Variants in TPRG1 observed in about 807,000 individuals in gnomAD.
TPRG1 encodes tumor protein p63 regulated 1, also known as tumor protein p63-regulated gene 1 protein.
TPRG1 carries 29 observed loss-of-function variants against 29.3 expected under a neutral mutation model. That is an observed-to-expected ratio of 0.99 (90% CI 0.74 to 1.35). TPRG1 has a LOEUF of 1.35. Among genes scored for constraint, TPRG1 ranks in the 40% most tolerant of loss-of-function variants. The probability of loss-of-function intolerance (pLI) is 0.00; values close to 1 mark genes in which losing one functional copy is unlikely to be tolerated. For synonymous variants in TPRG1, 130 were observed against 116.8 expected (o/e 1.11, Z -0.73); for missense variants, 327 against 335.0 (o/e 0.98, Z 0.19).
intron 3 of TPRG1, among the ~76,000 whole-genome samples, chr3:189,015,802 G>T (rs1021017103): frequency 5.3e-5 from 8 of 152,312 alleles, no homozygotes; most frequent in African/African-American, 1.9e-4. Context: ...GAAGGTAAGA[G>T]TTGAGGTTTG....
intron 2 of TPRG1, among the ~76,000 whole-genome samples, chr3:189,210,789 C>A (rs578261599): frequency 6.6e-6 from 1 of 152,244 alleles, no homozygotes; most frequent in East Asian, 1.9e-4. Context: ...TAGCAAGTGG[C>A]AAAGCTAGGG....
intron 3 of TPRG1, among the ~76,000 whole-genome samples, chr3:189,008,523 C>A (rs1437333109): frequency 6.6e-6 from 1 of 152,058 alleles, no homozygotes; most frequent in Non-Finnish European, 1.5e-5. Flanking sequence ...TAGTTCACAG[C>A]CCAAGAATTA....
chr3:189,029,671 A>C lies in TPRG1; in HGVS notation c.-463+5725A>C, dbSNP rs189528868. Among the ~76,000 whole-genome samples, 410 of 152,266 alleles carry C rather than the reference A, an allele frequency of 2.7e-3. 2 individuals carry two copies. Among genetic ancestry groups the C allele is most frequent in the South Asian group, 8.5e-3 (41 of 4,824 alleles). ...GTTTGTCCACCCAAACCTCATGTTG[A>C]AATGTAATCTCCAATGTTGGAGGTG... On this transcript the variant is annotated intron_variant, in intron 4 of 10. Transcript: ENST00000433971.
intron 4 of TPRG1, among the ~76,000 whole-genome samples, chr3:189,093,741 GA>G (rs889761762): frequency 6.6e-5 from 10 of 152,124 alleles, no homozygotes; most frequent in African/African-American, 2.4e-4. Flanking sequence ...CGGGTTCTGG[GA>G]AATTTGAAGC....
upstream of TPRG1, among the ~76,000 whole-genome samples, chr3:189,098,490 G>A (rs1340136965): frequency 2.0e-5 from 3 of 152,118 alleles, no homozygotes; most frequent in Non-Finnish European, 2.9e-5. Context: ...GGGGAAGAGA[G>A]GGTACTGGGG....
intron 3 of TPRG1, among the ~76,000 whole-genome samples, chr3:189,235,719 G>A (rs941726878): frequency 2.0e-5 from 3 of 152,112 alleles, no homozygotes; most frequent in Non-Finnish European, 1.5e-5. Context: ...ACTTTTGAAA[G>A]GTTGGTAGTA....
chr3:189,210,171 C>T (rs1735044158), intron 2 of TPRG1, among the ~76,000 whole-genome samples: 1 of 152,000 alleles, frequency 6.6e-6, no homozygotes, highest in South Asian at 2.1e-4. Flanking sequence ...TATATTTCCT[C>T]ATCTACAAAG....
chr3:189,036,353 C>T (rs1343307507), intron 4 of TPRG1, among the ~76,000 whole-genome samples: 2 of 151,978 alleles, frequency 1.3e-5, no homozygotes, highest in Non-Finnish European at 2.9e-5. Flanking sequence ...GTGACAGGAT[C>T]ATTTGTACAC....
intron 4 of TPRG1, among the ~76,000 whole-genome samples, chr3:189,057,199 TG>T (rs1715755508): frequency 6.6e-6 from 1 of 152,286 alleles, no homozygotes; most frequent in African/African-American, 2.4e-5. Flanking sequence ...TCATACACAG[TG>T]GCATTTGAGG....
At chr3:189,197,080 C>G (rs1392200065) in intron 1 of TPRG1, among the ~76,000 whole-genome samples, 2 of 152,202 alleles carry the variant, frequency 1.3e-5, no homozygotes, top group African/African-American at 4.8e-5. Context: ...AGGCATTAAT[C>G]TACACACTCG....
intron 1 of TPRG1, among the ~76,000 whole-genome samples, chr3:189,198,666 A>G (rs1309353377): frequency 6.6e-6 from 1 of 152,226 alleles, no homozygotes; most frequent in East Asian, 1.9e-4. Flanking sequence ...GCGGCTCTAT[A>G]TCATGCCCAT....
chr3:189,152,669 G>GCTACCC (rs1726107367), intron 5 of TPRG1, among the ~76,000 whole-genome samples: 1 of 150,990 alleles, frequency 6.6e-6, no homozygotes, highest in African/African-American at 2.4e-5. Flanking sequence ...AAGTAGGATT[G>GCTACCC]GTACCCGCCA....
chr3:189,205,982 T>A (rs1233389314), intron 1 of TPRG1, among the ~76,000 whole-genome samples: 2 of 143,294 alleles, frequency 1.4e-5, no homozygotes, highest in South Asian at 2.3e-4. Context: ...ATACCATACA[T>A]GTGTGCCTGT....
chr3:189,011,179 T>A (rs554718520), intron 3 of TPRG1, among the ~76,000 whole-genome samples: 33 of 152,312 alleles, frequency 2.2e-4, no homozygotes, highest in Admixed American at 1.8e-3. Context: ...TGTAGTATAG[T>A]TTGAAGTCAG....
At chr3:189,089,423 C>G (rs1406228535) in intron 4 of TPRG1, among the ~76,000 whole-genome samples, 2 of 152,180 alleles carry the variant, frequency 1.3e-5, no homozygotes, top group African/African-American at 4.8e-5. Flanking sequence ...ACAATATTCT[C>G]TCTTAACATT....
At chr3:189,125,363 A>G (rs1484673642) in intron 1 of TPRG1, among the ~76,000 whole-genome samples, 1 of 152,210 alleles carries the variant, frequency 6.6e-6, no homozygotes, top group Admixed American at 6.5e-5. Flanking sequence ...GGATCAAAAG[A>G]AATGATATAA....
chr3:189,270,027 T>C (rs1714815817), intron 4 of TPRG1, among the ~76,000 whole-genome samples: 1 of 82,002 alleles, frequency 1.2e-5, no homozygotes, highest in African/African-American at 9.4e-5. Flanking sequence ...ATCTTCTTCT[T>C]CTTCTTCTTC....
chr3:189,099,266 T>C (rs761564085), upstream of TPRG1, among the ~76,000 whole-genome samples: 2 of 152,122 alleles, frequency 1.3e-5, no homozygotes, highest in Non-Finnish European at 1.5e-5. Context: ...TAGTTGTTGA[T>C]GCCAGATGAA....
chr3:189,098,364 G>A (rs1274687122), upstream of TPRG1, among the ~76,000 whole-genome samples: 1 of 152,170 alleles, frequency 6.6e-6, no homozygotes. Flanking sequence ...CTGCTAGAAA[G>A]GCTGTGAACC....
Sources: allele counts gnomAD v4.1 joint callset (sites outside exome capture counted in the v4.1 genomes callset), GRCh38; gene constraint gnomAD v4.1.1; transcripts MANE v1.5; gene names NCBI Gene and HGNC (gene_info 2026-07-23, HGNC 2026-07-21).